The following SDHB variants were observed in gnomAD, a reference collection of about 807,000 sequenced individuals.
The protein encoded by SDHB is succinate dehydrogenase [ubiquinone] iron-sulfur subunit, mitochondrial.
Under a neutral mutation model 39.7 loss-of-function variants are expected in SDHB, and 21 were observed. That is an observed-to-expected ratio of 0.53 (90% CI 0.37 to 0.76). SDHB has a LOEUF of 0.76. SDHB is among the 30% of genes least tolerant of loss of function. SDHB has a pLI of 0.00. For missense variants in SDHB, 343 were observed against 350.9 expected (o/e 0.98, Z 0.18); for synonymous variants, 118 against 117.0 (o/e 1.01, Z -0.06).
At chr1:17,030,827 G>A (rs1287691918) in intron 3 of SDHB, among the ~76,000 whole-genome samples, 3 of 151,800 alleles carry the variant, frequency 2.0e-5, no homozygotes, top group Non-Finnish European at 4.4e-5. Flanking sequence ...GATTATAGAC[G>A]CCCGCCACCA....
chr1:17,023,840 C>A, intron 6 of SDHB, 133 bp downstream of exon 6: 2 of 720,920 alleles, frequency 2.8e-6, no homozygotes, highest in East Asian at 5.3e-5. Context: ...CAACCAATTA[C>A]CCTGTTTGGA....
intron 2 of SDHB, 113 bp from the exon 3 acceptor site, chr1:17,033,258 G>A: frequency 1.2e-6 from 1 of 834,328 alleles, no homozygotes; most frequent in South Asian, 1.4e-5. Context: ...GGTCTTCTCA[G>A]GTCACCTTCG....
chr1:17,039,369 G>A (rs2078066856), intron 2 of SDHB, among the ~76,000 whole-genome samples: 1 of 143,982 alleles, frequency 6.9e-6, no homozygotes, highest in Admixed American at 7.4e-5. Context: ...AGGACTGCTT[G>A]AGCCCAGGAG....
intron 5 of SDHB, 118 bp downstream of exon 5, chr1:17,027,631 C>A: frequency 1.3e-6 from 1 of 769,842 alleles, no homozygotes; most frequent in Non-Finnish European, 2.4e-6. Flanking sequence ...TGTGCCAGTT[C>A]CTCTCCAGAA....
At chr1:17,028,972 T>C (rs2078006908) in intron 3 of SDHB, among the ~76,000 whole-genome samples, 1 of 152,104 alleles carries the variant, frequency 6.6e-6, no homozygotes, top group Admixed American at 6.5e-5. Context: ...ACCTTGAGGT[T>C]AGAAGCCACA....
chr1:17,018,956 A>G lies in SDHB; in HGVS notation c.768T>C (p.Gly256=), dbSNP rs1060505017. 1.2e-6 allele frequency: 2 copies of G among 1,608,292 alleles called. No individual in the cohort carries two copies. Among genetic ancestry groups the G allele is most frequent in the Non-Finnish European group, 1.7e-6 (2 of 1,175,580 alleles). ...CTGCAATAGCTTTCCCTGGATTCAG[A>G]CCCTTGAAAAAAGAGAAAAGAATCA... is the stretch of plus-strand genomic sequence containing the variant. ...IMNCTRTCPK[G]LNPGKAIAEI... is the part of the protein sequence containing the mutation. The change falls in exon 8 of 8, where the codon GGT becomes GGC. Residue 256 remains glycine (G), a splice_region_variant and synonymous_variant. Coordinates refer to ENST00000375499, the MANE Select transcript of SDHB (RefSeq NM_003000.3).
At position 17,050,853 on chromosome 1, in the gene SDHB, A is replaced by G. The variant is rs568295766; in HGVS notation, c.72+3095T>C. Among the ~76,000 whole-genome samples, 32 of 152,342 alleles carry G rather than the reference A, an allele frequency of 2.1e-4. No homozygotes were observed. The South Asian group carries it at 6.4e-3, about 31-fold the overall frequency. On this transcript the variant is annotated intron_variant, in intron 1 of 7. Transcript: ENST00000375499. Reference sequence around the variant, plus strand: ...TGTGTTCCACCAAAAAATTCGTTGAATACATATATCTAAAAATTTGCCAGA... The same window carrying G: ...TGTGTTCCACCAAAAAATTCGTTGAGTACATATATCTAAAAATTTGCCAGA...
intron 2 of SDHB, among the ~76,000 whole-genome samples, chr1:17,043,593 G>C (rs1158550085): frequency 6.6e-6 from 1 of 152,210 alleles, no homozygotes; most frequent in Non-Finnish European, 1.5e-5. Flanking sequence ...GGGGCGTGGA[G>C]TGGAGCAGCA....
rs533257196 is a variant in SDHB at position 17,045,693 on chromosome 1, G to C, written c.73-805C>G. ...AACTGATATAGAAAAGTAAAAACTCGGAAGGTTAATTGACTAATTACAAAA... is the reference window on the plus strand; with the variant it reads ...AACTGATATAGAAAAGTAAAAACTCCGAAGGTTAATTGACTAATTACAAAA... On this transcript the variant is annotated intron_variant, in intron 1 of 7. Transcript: ENST00000375499. 4.6e-5 allele frequency among the ~76,000 whole-genome samples: 7 copies of C among 152,232 alleles called. No individual in the cohort carries two copies. In the South Asian group the frequency reaches 1.5e-3, roughly 32 times the overall value.
chr1:17,029,773 A>C (rs1423247602), intron 3 of SDHB, among the ~76,000 whole-genome samples: 1 of 151,946 alleles, frequency 6.6e-6, no homozygotes, highest in Non-Finnish European at 1.5e-5. Context: ...ACCCAGGCTG[A>C]AGTACAGTGG....
chr1:17,040,772 T>C (rs1334778661), intron 2 of SDHB, among the ~76,000 whole-genome samples: 8 of 152,050 alleles, frequency 5.3e-5, no homozygotes, highest in Admixed American at 3.9e-4. Flanking sequence ...CCTAGACCTT[T>C]TGATGCTGTT....
intron 6 of SDHB, chr1:17,023,196 T>G: frequency 3.5e-6 from 1 of 282,688 alleles, no homozygotes; most frequent in Non-Finnish European, 7.0e-6. Flanking sequence ...CACAGCGCTC[T>G]CAGCAGCCTG....
At chr1:17,028,854 T>G (rs2101523687) in intron 3 of SDHB, 118 bp from the exon 4 acceptor site, 1 of 1,208,086 alleles carries the variant, frequency 8.3e-7, no homozygotes, top group Middle Eastern at 2.3e-4. Context: ...CATGCAACAT[T>G]CCTCTGACAG....
Position 17,024,138 on chromosome 1 carries a change from G to A in SDHB, c.541-64C>T, listed in dbSNP as rs527305783. The A allele has an allele frequency of 2.6e-6, 3 of 1,157,794 alleles. No individual in the cohort carries two copies. The South Asian group carries it at 3.8e-5, about 14-fold the overall frequency. 71.7% of individuals were successfully genotyped at this position (1,157,794 alleles called of 1,614,324 possible). A position where few individuals can be genotyped will look rare whatever the true frequency, so the allele number is the denominator to read the frequency against. The stretch of plus-strand genomic sequence containing the variant: ...GAGAGACTCTGCTATGTCTTCAGCT[G>A]ATTAAATGTTACCTTTGGGGTCAGT... On this transcript the variant is annotated intron_variant, in intron 5 of 7. Coordinates refer to ENST00000375499, the MANE Select transcript of SDHB (RefSeq NM_003000.3).
chr1:17,023,883 G>C (rs918988514), intron 6 of SDHB, 90 bp downstream of exon 6: 1 of 963,758 alleles, frequency 1.0e-6, no homozygotes, highest in Admixed American at 1.8e-5. Flanking sequence ...AGGCCCCTCA[G>C]AATGGCTGGC....
chr1:17,023,053 G>C (rs1300744342), intron 6 of SDHB: 1 of 370,328 alleles, frequency 2.7e-6, no homozygotes, highest in Admixed American at 3.7e-5. Flanking sequence ...TGAAGGCAGG[G>C]ACTGTATCAT....
rs551083392 is a variant in SDHB at position 17,044,911 on chromosome 1, A to G, written c.73-23T>C. 4.4e-6 allele frequency: 7 copies of G among 1,608,916 alleles called. No individual in the cohort carries two copies. In the East Asian group the frequency reaches 1.3e-4, roughly 31 times the overall value. On this transcript the variant is annotated intron_variant, in intron 1 of 7. Transcript: ENST00000375499. ...GGCCTGAAATTTTTTAAAGTTCACA[A>G]AAAGGAAAAAAAAATTAGAAATACA...
At chr1:17,039,991 T>C (rs928605693) in intron 2 of SDHB, among the ~76,000 whole-genome samples, 3 of 152,234 alleles carry the variant, frequency 2.0e-5, no homozygotes, top group Non-Finnish European at 4.4e-5. Flanking sequence ...TAGCATTTCA[T>C]GTAGTACTGG....
At chr1:17,040,025 T>C (rs2078072094) in intron 2 of SDHB, among the ~76,000 whole-genome samples, 1 of 152,234 alleles carries the variant, frequency 6.6e-6, no homozygotes, top group Admixed American at 6.5e-5. Context: ...AATTCTTTTC[T>C]TTTCTGTTTA....
Sources: allele counts gnomAD v4.1 joint callset (sites outside exome capture counted in the v4.1 genomes callset), GRCh38; gene constraint gnomAD v4.1.1; transcripts MANE v1.5; gene names NCBI Gene and HGNC (gene_info 2026-07-23, HGNC 2026-07-21).